The following APP variants were observed in gnomAD, a reference collection of about 807,000 sequenced individuals.
APP encodes amyloid-beta precursor protein.
A neutral mutation model predicts 101.4 loss-of-function variants in APP; 31 were observed. The observed-to-expected ratio is 0.31, with a 90% CI of 0.23 to 0.41. The LOEUF (loss-of-function observed/expected upper bound fraction) is 0.41, where lower values mean the gene tolerates loss of function less well. Ranked by LOEUF, APP falls within the 10% of genes least tolerant of loss-of-function variation. The pLI is 1.00. For missense variants in APP, 839 were observed against 1,003.7 expected (o/e 0.84, Z 2.22); for synonymous variants, 366 against 364.4 (o/e 1.00, Z -0.05).
At chr21:26,087,356 C>T (rs542116006) in intron 3 of APP, among the ~76,000 whole-genome samples, 1 of 152,220 alleles carries the variant, frequency 6.6e-6, no homozygotes, top group Non-Finnish European at 1.5e-5. Context: ...AATGATTCAA[C>T]ACGCCAAGTA....
chr21:26,052,533 CA>C (rs2045878762), intron 4 of APP, among the ~76,000 whole-genome samples: 1 of 152,206 alleles, frequency 6.6e-6, no homozygotes, highest in Admixed American at 6.5e-5. Context: ...GGTCTTACCA[CA>C]CAGTGACCTT....
intron 6 of APP, among the ~76,000 whole-genome samples, chr21:26,008,045 G>C (rs1471490737): frequency 8.4e-6 from 1 of 119,142 alleles, no homozygotes; most frequent in African/African-American, 3.3e-5. Context: ...GCTAATGAAA[G>C]CACTGCTTCA....
chr21:26,008,163 T>C (rs982940988), intron 6 of APP, among the ~76,000 whole-genome samples: 1 of 152,236 alleles, frequency 6.6e-6, no homozygotes, highest in Admixed American at 6.5e-5. Flanking sequence ...CCAATACATC[T>C]GTCATTCTAA....
intron 3 of APP, among the ~76,000 whole-genome samples, chr21:26,077,346 T>G (rs2061517026): frequency 6.6e-6 from 1 of 152,146 alleles, no homozygotes. Flanking sequence ...CTTCCCACCA[T>G]CCTACTGGTA....
At chr21:25,969,632 A>T (rs2041934279) in intron 11 of APP, among the ~76,000 whole-genome samples, 1 of 151,812 alleles carries the variant, frequency 6.6e-6, no homozygotes, top group Non-Finnish European at 1.5e-5. Context: ...TTGAGGCCAG[A>T]AGTTCAAGAC....
intron 1 of APP, among the ~76,000 whole-genome samples, chr21:26,114,293 G>A (rs553974953): frequency 6.6e-6 from 1 of 152,158 alleles, no homozygotes; most frequent in South Asian, 2.1e-4. Context: ...CTCTCCCCAG[G>A]GTAGCCAGCC....
At chr21:25,993,668 A>G (rs1871537758) in intron 8 of APP, among the ~76,000 whole-genome samples, 1 of 152,202 alleles carries the variant, frequency 6.6e-6, no homozygotes, top group Admixed American at 6.5e-5. Context: ...CATGCCCCCA[A>G]ATTTGTGGAA....
At position 26,054,797 on chromosome 21, in the gene APP, G is replaced by A. The variant is rs942496135; in HGVS notation, c.356-1449C>T. 1.1e-4 allele frequency among the ~76,000 whole-genome samples: 16 copies of A among 151,950 alleles called. No homozygotes were observed. The East Asian group carries it at 1.2e-3, about 11-fold the overall frequency. On this transcript the variant is annotated intron_variant, in intron 3 of 17. Transcript: ENST00000346798. The stretch of plus-strand genomic sequence containing the variant: ...TCCCACGGAGCAAGGAATACAGATC[G>A]TCCACACAGCAGCAAAGACAGGAAT...
chr21:26,058,675 G>A (rs2046138742), intron 3 of APP, among the ~76,000 whole-genome samples: 1 of 152,130 alleles, frequency 6.6e-6, no homozygotes, highest in Admixed American at 6.5e-5. Flanking sequence ...GGCACCTGGG[G>A]GTGTCATCCC....
intron 13 of APP, among the ~76,000 whole-genome samples, chr21:25,946,791 A>G (rs575393163): frequency 1.2e-4 from 18 of 152,338 alleles, no homozygotes; most frequent in Non-Finnish European, 2.2e-4. Context: ...ATAATCCATA[A>G]CAAACCATTG....
chr21:26,120,714 T>C (rs1190753703), intron 1 of APP, among the ~76,000 whole-genome samples: 1 of 152,168 alleles, frequency 6.6e-6, no homozygotes, highest in Non-Finnish European at 1.5e-5. Flanking sequence ...GGCATAGTTT[T>C]TAAAAAAAAT....
chr21:25,971,615 T>G (rs145087607), intron 11 of APP, among the ~76,000 whole-genome samples: 130 of 152,292 alleles, frequency 8.5e-4, no homozygotes, highest in African/African-American at 3.1e-3. Context: ...TGCAGAGTGA[T>G]CCCTGAGAAT....
intron 1 of APP, among the ~76,000 whole-genome samples, chr21:26,150,509 C>T (rs1305645803): frequency 6.6e-6 from 1 of 152,168 alleles, no homozygotes; most frequent in Non-Finnish European, 1.5e-5. Context: ...CATACCCTTC[C>T]AGACTGTGTC....
chr21:26,033,454 C>T (rs112479242), intron 5 of APP, among the ~76,000 whole-genome samples: 5,057 of 152,300 alleles, frequency 0.033, 289 homozygotes, highest in African/African-American at 0.12. Context: ...ATAAACTACC[C>T]AGTCTTGGTT....
intron 13 of APP, among the ~76,000 whole-genome samples, chr21:25,940,281 G>A (rs1182532652): frequency 6.6e-6 from 1 of 152,104 alleles, no homozygotes; most frequent in East Asian, 1.9e-4. Context: ...GGGATATCAG[G>A]TGACAAGCAG....
intron 13 of APP, among the ~76,000 whole-genome samples, chr21:25,943,990 C>T (rs2040693538): frequency 6.6e-6 from 1 of 152,110 alleles, no homozygotes; most frequent in African/African-American, 2.4e-5. Flanking sequence ...CATAGGTCCA[C>T]ACCTCAGTAT....
chr21:26,139,328 C>CA (rs45489704), intron 1 of APP, among the ~76,000 whole-genome samples: 127 of 152,046 alleles, frequency 8.4e-4, no homozygotes, highest in African/African-American at 2.9e-3. Flanking sequence ...AATAATTGTG[C>CA]AAAAAAATCA....
At chr21:25,963,554 G>C (rs2041672346) in intron 11 of APP, among the ~76,000 whole-genome samples, 3 of 152,072 alleles carry the variant, frequency 2.0e-5, no homozygotes, top group African/African-American at 7.2e-5. Flanking sequence ...ATTGCACCCT[G>C]GTGGTTTCCA....
intron 3 of APP, among the ~76,000 whole-genome samples, chr21:26,076,007 C>A (rs1283073111): frequency 1.3e-5 from 2 of 152,174 alleles, no homozygotes. Flanking sequence ...GATTCTCCTG[C>A]CTCAGCCTCC....
Sources: gnomAD v4.1 joint callset for allele counts (sites outside exome capture counted in the v4.1 genomes callset) on GRCh38, gnomAD v4.1.1 for gene constraint, MANE v1.5 for transcripts, NCBI Gene and HGNC (gene_info 2026-07-23, HGNC 2026-07-21) for gene names.